The following SH2D5 variants were observed in gnomAD, a reference collection of about 807,000 sequenced individuals.
SH2D5 encodes SH2 domain containing 5.
Under a neutral mutation model 48.2 loss-of-function variants are expected in SH2D5, and 45 were observed. The observed-to-expected ratio is 0.93, with a 90% confidence interval of 0.73 to 1.20. The LOEUF is 1.20. SH2D5 is among the 50% of genes most tolerant of loss of function. SH2D5 has a pLI of 0.00. For missense variants in SH2D5, 538 were observed against 584.1 expected (o/e 0.92, Z 0.81); for synonymous variants, 230 against 249.8 (o/e 0.92, Z 0.75).
intron 5 of SH2D5, among the ~76,000 whole-genome samples, chr1:20,725,084 C>A (rs1184898730): frequency 1.3e-5 from 2 of 152,246 alleles, no homozygotes; most frequent in East Asian, 3.8e-4. Flanking sequence ...GCCTCGGTTT[C>A]CTCATCCCCA....
At chr1:20,724,017 C>T in intron 7 of SH2D5, 66 bp downstream of exon 7, 1 of 1,563,518 alleles carries the variant, frequency 6.4e-7, no homozygotes, top group African/African-American at 1.3e-5. Context: ...CCACCTCTGG[C>T]TGGTCCAGGA....
chr1:20,725,972 C>A lies in SH2D5; in HGVS notation c.338G>T (p.Ser113Ile), dbSNP rs1457397104. 1.2e-6 allele frequency: 2 copies of A among 1,613,240 alleles called. No individual in the cohort carries two copies. The highest frequency in any genetic ancestry group is 2.2e-5 in the South Asian group (2 of 91,072). Residue 113 changes from serine (S) to isoleucine (I), a missense_variant, in exon 5 of 10, where the codon AGC (serine) becomes ATC (isoleucine). Coordinates refer to ENST00000444387, the MANE Select transcript of SH2D5 (RefSeq NM_001103161.2). Reference protein sequence around the residue: ...QFAFMARNPRSPASKLFCHLF... With the variant: ...QFAFMARNPRIPASKLFCHLF... ...GTGGCAGAAGAGCTTGCTGGCTGGG[C>A]TCCGTGGGTTTCGAGCCATGAAGGC...
chr1:20,726,099 A>T (rs370812006), intron 4 of SH2D5, 33 bp from the exon 5 acceptor site: 1 of 1,562,210 alleles, frequency 6.4e-7, no homozygotes, highest in African/African-American at 1.4e-5. Flanking sequence ...CCCCCATCAG[A>T]CCCACCGGGC....
rs1363657187 is a variant in SH2D5 at position 20,723,616 on chromosome 1, C to A, written c.908+10G>T. The A allele has an allele frequency of 3.1e-6, 5 of 1,603,938 alleles. No homozygotes were observed. The East Asian group carries it at 8.9e-5, about 29-fold the overall frequency. ...GGACTGGGCGTCAGGCCAGGCCAGG[C>A]CCTTCCTACCTGGAGATGCCAGCGA... On this transcript the variant is annotated intron_variant, in intron 8 of 9. Coordinates refer to ENST00000444387, the MANE Select transcript of SH2D5 (RefSeq NM_001103161.2).
chr1:20,722,769 C>A lies in SH2D5; in HGVS notation c.1055G>T (p.Arg352Leu). The change falls in exon 9 of 10, where the codon CGC becomes CTC. Residue 352 changes from arginine (R) to leucine (L), a missense_variant. Arg to Leu is a moderately radical substitution (Grantham distance 102, BLOSUM62 -2). Coordinates refer to ENST00000444387, the MANE Select transcript of SH2D5 (RefSeq NM_001103161.2). Reference sequence around the variant, plus strand: ...CTGCGCTCTTACCTCCAAGCAGTAGCGGCCCAGGTGGTTCCGGAAGACCTG... The same window carrying A: ...CTGCGCTCTTACCTCCAAGCAGTAGAGGCCCAGGTGGTTCCGGAAGACCTG... The part of the protein sequence containing the change: ...PHQVFRNHLG[R>L]YCLEHLPAEF... 3 of 1,523,366 alleles carry A rather than the reference C, an allele frequency of 2.0e-6. No homozygotes were observed. The highest frequency in any genetic ancestry group is 1.3e-5 in the South Asian group (1 of 78,918). 94.4% of individuals were successfully genotyped at this position (1,523,366 alleles called of 1,614,324 possible). A position where few individuals can be genotyped will look rare whatever the true frequency, so the allele number is the denominator to read the frequency against.
chr1:20,730,308 G>T (rs1403777649), intron 1 of SH2D5, among the ~76,000 whole-genome samples: 7 of 13,116 alleles, frequency 5.3e-4, no homozygotes, highest in African/African-American at 4.1e-3. Context: ...ATCCTGCTCG[G>T]GGGGGGGGGG....
At position 20,723,928 on chromosome 1, in the gene SH2D5, C is replaced by T. The variant is rs536379858; in HGVS notation, c.799+155G>A. Among the ~76,000 whole-genome samples, 154 of 152,378 alleles carry T rather than the reference C, an allele frequency of 1.0e-3. 2 individuals carry two copies. Among genetic ancestry groups the T allele is most frequent in the Admixed American group, 2.4e-3 (36 of 15,312 alleles). On this transcript the variant is annotated intron_variant, in intron 7 of 9. Transcript: ENST00000444387. ...GTACACAGTCCCCTTTGCACAGACA[C>T]GGATGCAGGCAAACACACACAGTGC...
intron 4 of SH2D5, 118 bp from the exon 5 acceptor site, chr1:20,726,184 C>A: frequency 7.8e-7 from 1 of 1,281,180 alleles, no homozygotes; most frequent in Non-Finnish European, 1.1e-6. Flanking sequence ...GTCTCAAGCC[C>A]TCATCCTTCA....
rs61778527 is a variant in SH2D5 at position 20,728,019 on chromosome 1, C to A, written c.26G>T (p.Arg9Leu). 9.0e-6 allele frequency: 14 copies of A among 1,556,810 alleles called. No homozygotes were observed. In the Admixed American group the frequency reaches 1.3e-4, roughly 15 times the overall value. Reference protein sequence around the residue: MQKAGAGGRRASDCGLAPH... With the variant: MQKAGAGGLRASDCGLAPH... ...GGCCAGCCCGCAGTCAGAGGCCCTGCGGCCCCCAGCCCCCGCCTTCTGCAT... is the reference window on the plus strand; with the variant it reads ...GGCCAGCCCGCAGTCAGAGGCCCTGAGGCCCCCAGCCCCCGCCTTCTGCAT... Residue 9 changes from arginine (R) to leucine (L), a missense_variant, in exon 2 of 10, where the codon CGC (arginine) becomes CTC (leucine). Arg to Leu is a moderately radical substitution (Grantham distance 102, BLOSUM62 -2). Coordinates refer to ENST00000444387, the MANE Select transcript of SH2D5 (RefSeq NM_001103161.2). The surrounding 1 kb of genome is among the most constrained non-coding windows in gnomAD (Gnocchi z 4.3).
At chr1:20,726,880 G>A in intron 4 of SH2D5, 121 bp downstream of exon 4, 3 of 772,808 alleles carry the variant, frequency 3.9e-6, no homozygotes, top group Non-Finnish European at 5.8e-6. Context: ...CGCGCCAGGG[G>A]GACCCCAGGG....
intron 1 of SH2D5, among the ~76,000 whole-genome samples, chr1:20,730,040 G>T (rs1377203391): frequency 6.6e-6 from 1 of 152,186 alleles, no homozygotes; most frequent in Non-Finnish European, 1.5e-5. Flanking sequence ...TTGCTTCCAG[G>T]TAAGGAGGTG....
chr1:20,730,290 C>T (rs1046538745), intron 1 of SH2D5, among the ~76,000 whole-genome samples: 5 of 109,582 alleles, frequency 4.6e-5, no homozygotes, highest in African/African-American at 7.2e-5. Flanking sequence ...GGGAAGGGCA[C>T]GTTTCCCATC....
intron 1 of SH2D5, among the ~76,000 whole-genome samples, chr1:20,730,219 G>A (rs1270866132): frequency 2.0e-5 from 3 of 149,944 alleles, no homozygotes; most frequent in Non-Finnish European, 4.4e-5. Context: ...ACAGAGGCAG[G>A]AACAGAGAAG....
At chr1:20,726,853 C>T (rs1036313035) in intron 4 of SH2D5, 148 bp downstream of exon 4, 4 of 606,308 alleles carry the variant, frequency 6.6e-6, no homozygotes, top group Non-Finnish European at 1.1e-5. Context: ...TCCAAAGGCC[C>T]AGAGCAGGTA....
At position 20,724,179 on chromosome 1, in the gene SH2D5, C is replaced by A; in HGVS notation, c.703G>T (p.Val235Leu). Residue 235 changes from valine to leucine, a missense_variant, in exon 7 of 10, where the codon GTG becomes TTG. Coordinates refer to ENST00000444387, the MANE Select transcript of SH2D5 (RefSeq NM_001103161.2). ...LGNPYCSPTL[V>L]RKKAIRSKVI... is the part of the protein sequence containing the mutation. Reference sequence around the variant, plus strand: ...TTGCTGCGAATGGCCTTCTTGCGCACCAGCGTGGGCGAGCAGTAGGGATTC... The same window carrying A: ...TTGCTGCGAATGGCCTTCTTGCGCAACAGCGTGGGCGAGCAGTAGGGATTC... 6.2e-7 allele frequency: 1 copy of A among 1,613,004 alleles called. No individual in the cohort carries two copies. The highest frequency in any genetic ancestry group is 8.5e-7 in the Non-Finnish European group (1 of 1,179,990).
At position 20,727,952 on chromosome 1, in the gene SH2D5, A is replaced by G. The variant is rs533558562; in HGVS notation, c.87+6T>C. On this transcript the variant is annotated splice_donor_region_variant and intron_variant, in intron 2 of 9. Coordinates refer to ENST00000444387, the MANE Select transcript of SH2D5 (RefSeq NM_001103161.2). ...GAGCACACCTGGACAGGGTGGCCCC[A>G]CCCACCTGGGCAAACTTGGTGATGC... is the stretch of plus-strand genomic sequence containing the variant. The G allele has an allele frequency of 1.1e-5, 17 of 1,564,378 alleles. No homozygotes were observed. The highest frequency in any genetic ancestry group is 1.4e-5 in the Non-Finnish European group (16 of 1,153,724).
rs1470651633 is a variant in SH2D5 at position 20,728,804 on chromosome 1, C to T, written c.-42-718G>A. Among the ~76,000 whole-genome samples the T allele has an allele frequency of 6.6e-6, 1 of 152,168 alleles. No homozygotes were observed. The highest frequency in any genetic ancestry group is 1.5e-5 in the Non-Finnish European group (1 of 68,026). ...TATAGCAGGTTCTAGGGCAGGAGCTCTGTAGTTCATGAAGGTGGCTGCAAG... is the reference window on the plus strand; with the variant it reads ...TATAGCAGGTTCTAGGGCAGGAGCTTTGTAGTTCATGAAGGTGGCTGCAAG... On this transcript the variant is annotated intron_variant, in intron 1 of 9. Coordinates refer to ENST00000444387, the MANE Select transcript of SH2D5 (RefSeq NM_001103161.2). This position sits in a 1 kb window ranked among gnomAD's most constrained non-coding sequence, Gnocchi z 4.3.
chr1:20,722,536 A>C (rs1557614638), intron 9 of SH2D5, among the ~76,000 whole-genome samples: 1 of 152,172 alleles, frequency 6.6e-6, no homozygotes, highest in South Asian at 2.1e-4. Flanking sequence ...CAAGTGGGCC[A>C]GCTGGGGGTG....
In SH2D5 at chr1:20,723,720, C is replaced by T. The variant is rs534944238; in HGVS notation, c.814G>A (p.Glu272Lys). The change falls in exon 8 of 10, where the codon GAG (glutamate) becomes AAG (lysine). Residue 272 changes from glutamate to lysine, a missense_variant. Physicochemically the swap from Glu to Lys is moderately conservative, Grantham distance 56. Transcript: ENST00000444387. ...SAREAFPAAW[E>K]AWPRGPGGHS... ...CCACCAGGACCCCGGGGCCATGCCT[C>T]CCATGCGGCAGGAACTGTGGAGACC... The T allele has an allele frequency of 6.2e-7, 1 of 1,612,824 alleles. No homozygotes were observed. The highest frequency in any genetic ancestry group is 1.3e-5 in the African/African-American group (1 of 75,054).
Sources: allele counts gnomAD v4.1 joint callset (sites outside exome capture counted in the v4.1 genomes callset), GRCh38; gene constraint gnomAD v4.1.1; non-coding constraint Gnocchi (gnomAD v3.1); transcripts MANE v1.5; gene names NCBI Gene and HGNC (gene_info 2026-07-23, HGNC 2026-07-21).